Variants in PKD1L3 observed in about 807,000 individuals in gnomAD.
PKD1L3 encodes polycystin 1 like 3, transient receptor potential channel interacting.
PKD1L3 carries 239 observed loss-of-function variants against 184.1 expected under a neutral mutation model. That is an observed-to-expected ratio of 1.30 (90% confidence interval 1.17 to 1.45). PKD1L3 has a LOEUF of 1.45. Ranked by LOEUF, PKD1L3 falls within the 40% of genes most tolerant of loss-of-function variation. PKD1L3 has a pLI of 0.00. For synonymous variants in PKD1L3, 996 were observed against 778.8 expected, an observed-to-expected ratio of 1.28 and a Z score of -4.64; for missense variants, 2,660 against 2,067.2, an observed-to-expected ratio of 1.29 and a Z score of -5.56.
chr16:71,962,968 C>A (rs1001621118), intron 16 of PKD1L3, among the ~76,000 whole-genome samples: 5 of 152,092 alleles, frequency 3.3e-5, no homozygotes, highest in Non-Finnish European at 7.3e-5. Context: ...TCTAGGTAAA[C>A]AGTTTCAGAA....
At chr16:71,956,757 T>C (rs1028115149) in intron 16 of PKD1L3, among the ~76,000 whole-genome samples, 5 of 152,170 alleles carry the variant, frequency 3.3e-5, no homozygotes, top group African/African-American at 1.2e-4. Flanking sequence ...GCAGTATCAA[T>C]ATATATACTA....
chr16:71,992,717 C>T (rs1277501593), intron 3 of PKD1L3, among the ~76,000 whole-genome samples: 1 of 152,132 alleles, frequency 6.6e-6, no homozygotes, highest in Non-Finnish European at 1.5e-5. Context: ...TTGATCAGGA[C>T]ATCTAACATT....
At chr16:71,935,948 A>T (rs2038160282) in intron 25 of PKD1L3, among the ~76,000 whole-genome samples, 1 of 152,060 alleles carries the variant, frequency 6.6e-6, no homozygotes, top group African/African-American at 2.4e-5. Context: ...AGCACATGCC[A>T]CCATGCCCGG....
At chr16:71,945,790 A>G (rs1270806571) in intron 22 of PKD1L3, among the ~76,000 whole-genome samples, 2 of 152,266 alleles carry the variant, frequency 1.3e-5, no homozygotes, top group East Asian at 1.9e-4. Flanking sequence ...TCTCTCCAAG[A>G]AAGTCAGAGA....
chr16:71,977,395 T>C lies in PKD1L3; in HGVS notation c.1600A>G (p.Ile534Val). The change falls in exon 11 of 30, where the codon ATC (isoleucine) becomes GTC (valine). Residue 534 changes from isoleucine (I) to valine (V), a missense_variant. Ile to Val is a conservative substitution (Grantham distance 29, BLOSUM62 3). Coordinates refer to ENST00000620267, the MANE Select transcript of PKD1L3 (RefSeq NM_181536.2). Reference sequence around the variant, plus strand: ...TCCAAGGAAGTGACGTTCACTGTGATTGTAAGCTGATGTGTGCTCATGTTG... The same window carrying C: ...TCCAAGGAAGTGACGTTCACTGTGACTGTAAGCTGATGTGTGCTCATGTTG... Reference protein sequence around the residue: ...SLNMSTHQLTITVNVTSLEKS... With the variant: ...SLNMSTHQLTVTVNVTSLEKS... 1 of 1,551,568 alleles carries C rather than the reference T, an allele frequency of 6.4e-7. No homozygotes were observed. Among genetic ancestry groups the C allele is most frequent in the Non-Finnish European group, 8.7e-7 (1 of 1,146,882 alleles).
chr16:71,958,333 G>A (rs1210308175), intron 16 of PKD1L3, among the ~76,000 whole-genome samples: 1 of 144,082 alleles, frequency 6.9e-6, no homozygotes, highest in African/African-American at 2.6e-5. Flanking sequence ...CTTGCAGTGA[G>A]CCGAGATCCC....
At chr16:71,976,356 A>C (rs1432074711) in intron 11 of PKD1L3, among the ~76,000 whole-genome samples, 2 of 145,246 alleles carry the variant, frequency 1.4e-5, no homozygotes, top group African/African-American at 5.1e-5. Context: ...CCCAGGCTTA[A>C]GCAATTCTTC....
At chr16:71,983,176 T>C (rs1050597089) in intron 6 of PKD1L3, among the ~76,000 whole-genome samples, 1 of 152,184 alleles carries the variant, frequency 6.6e-6, no homozygotes, top group Non-Finnish European at 1.5e-5. Flanking sequence ...AGACAGAGTG[T>C]GGCTCTGTCA....
chr16:71,951,964 GAGACAATTTGATC>G (rs1323458650), intron 18 of PKD1L3, among the ~76,000 whole-genome samples: 1 of 152,146 alleles, frequency 6.6e-6, no homozygotes, highest in Admixed American at 6.6e-5. Flanking sequence ...AATGAAAAAA[GAGACAATTTGATC>G]AAACATCAAA....
intron 16 of PKD1L3, among the ~76,000 whole-genome samples, chr16:71,958,318 C>T (rs1195168553): frequency 1.4e-5 from 2 of 142,820 alleles, no homozygotes; most frequent in Non-Finnish European, 1.5e-5. Flanking sequence ...ACCCGGGAGG[C>T]GGAGCTTGCA....
chr16:71,930,860 T>A (rs192893476), intron 28 of PKD1L3: 1 of 152,342 alleles, frequency 6.6e-6, no homozygotes, highest in Admixed American at 6.5e-5. Flanking sequence ...ACTAGGGCAC[T>A]GTTTAAAAAT....
Position 71,978,277 on chromosome 16 carries a change from T to C in PKD1L3, c.1505A>G (p.His502Arg). ...TACCTCAATGTCCTCCATTAAATCA[T>C]GGACTTGGAGCAATTTACGATTAGC... The part of the protein sequence containing the change: ...LSANRKLLQV[H>R]DLMEDIEIML... The change falls in exon 10 of 30, where the codon CAT becomes CGT. Residue 502 changes from histidine (H) to arginine (R), a missense_variant. Physicochemically the swap from His to Arg is conservative, Grantham distance 29. Transcript: ENST00000620267. 1.3e-6 allele frequency: 2 copies of C among 1,550,326 alleles called. No individual in the cohort carries two copies. Among genetic ancestry groups the C allele is most frequent in the Non-Finnish European group, 1.7e-6 (2 of 1,146,070 alleles).
chr16:71,948,207 T>G (rs924679069), intron 21 of PKD1L3, among the ~76,000 whole-genome samples: 1 of 152,078 alleles, frequency 6.6e-6, no homozygotes, highest in African/African-American at 2.4e-5. Flanking sequence ...CTCAGCCTCC[T>G]GAGTAGCTGG....
chr16:71,932,489 TTTTTGAGACAGTTTCACTGTC>T (rs1415624595), intron 28 of PKD1L3, among the ~76,000 whole-genome samples: 6 of 152,044 alleles, frequency 3.9e-5, no homozygotes, highest in Non-Finnish European at 8.8e-5. Context: ...GTCACTTTTT[TTTTTGAGACAGTTTCACTGTC>T]TTGCCCAGGC....
At position 71,942,826 on chromosome 16, in the gene PKD1L3, A is replaced by C. The variant is rs1376926332; in HGVS notation, c.4058T>G (p.Val1353Gly). The C allele has an allele frequency of 1.3e-6, 2 of 1,551,656 alleles. No individual in the cohort carries two copies. The highest frequency in any genetic ancestry group is 1.7e-6 in the Non-Finnish European group (2 of 1,146,974). ...ACATTTGCAATGACTGGGCTCCAGG[A>C]CTGCATTCTTACCTCTGTAATCCCC... Reference protein sequence around the residue: ...LYGDYRGKNAVLEPSHCKCGV... With the variant: ...LYGDYRGKNAGLEPSHCKCGV... The change falls in exon 24 of 30, where the codon GTC (valine) becomes GGC (glycine). Residue 1353 changes from valine to glycine, a missense_variant. Val to Gly is a moderately radical substitution (Grantham distance 109, BLOSUM62 -3). Coordinates refer to ENST00000620267, the MANE Select transcript of PKD1L3 (RefSeq NM_181536.2).
At chr16:71,973,672 C>T (rs9927573) in intron 11 of PKD1L3, among the ~76,000 whole-genome samples, 155 bp from the exon 12 acceptor site, 83,854 of 151,996 alleles carry the variant, frequency 0.55, 23,798 homozygotes, top group African/African-American at 0.67. Context: ...AGTGATACAA[C>T]CCTGGGCTCT....
chr16:71,990,214 C>A, intron 4 of PKD1L3, 66 bp downstream of exon 4: 1 of 1,343,860 alleles, frequency 7.4e-7, no homozygotes, highest in East Asian at 2.6e-5. Context: ...GAGCTCTAAC[C>A]AGATCTACTA....
At position 71,986,364 on chromosome 16, in the gene PKD1L3, C is replaced by T. The variant is rs764826347; in HGVS notation, c.691G>A (p.Val231Met). The change falls in exon 5 of 30, where the codon GTG (valine) becomes ATG (methionine). Residue 231 changes from valine (V) to methionine (M), a missense_variant. Val to Met is a conservative substitution (Grantham distance 21, BLOSUM62 1). Transcript: ENST00000620267. ...ACGGGCATGGTGAGCTGTGTTATCA[C>T]AGGGAGAGGCTGGCTGCTGGGTTCA... ...ASEPSSQPLPVITQLTMPVSV... is the reference protein window; with the variant it reads ...ASEPSSQPLPMITQLTMPVSV... 57 of 1,551,318 alleles carry T rather than the reference C, an allele frequency of 3.7e-5. No homozygotes were observed. The highest frequency in any genetic ancestry group is 4.9e-5 in the Non-Finnish European group (56 of 1,146,570).
intron 3 of PKD1L3, among the ~76,000 whole-genome samples, chr16:71,990,892 T>C (rs1041339956): frequency 3.9e-5 from 6 of 152,294 alleles, no homozygotes; most frequent in African/African-American, 1.2e-4. Flanking sequence ...TTCAGAAAGC[T>C]GTTAATACAT....
Sources: allele counts gnomAD v4.1 joint callset (sites outside exome capture counted in the v4.1 genomes callset), GRCh38; gene constraint gnomAD v4.1.1; transcripts MANE v1.5; gene names NCBI Gene and HGNC (gene_info 2026-07-23, HGNC 2026-07-21).